The following C5 variants were observed in gnomAD, a reference collection of about 807,000 sequenced individuals.
C5 encodes the protein complement C5, also known as C3 and PZP-like alpha-2-macroglobulin domain-containing protein 4.
Under a neutral mutation model 218.8 loss-of-function variants are expected in C5, and 140 were observed. The ratio of observed to expected loss-of-function variants is 0.64; its 90% CI spans 0.56 to 0.74. C5 has a LOEUF of 0.74. Among genes scored for constraint, C5 ranks in the 30% least tolerant of loss-of-function variants. C5 has a pLI of 0.00. For missense variants in C5, 1,700 were observed against 1,969.6 expected (o/e 0.86, Z 2.59); for synonymous variants, 614 against 682.3 (o/e 0.90, Z 1.56).
chr9:121,007,254 GA>G (rs991558955), intron 18 of C5, among the ~76,000 whole-genome samples: 1 of 152,172 alleles, frequency 6.6e-6, no homozygotes, highest in African/African-American at 2.4e-5. Context: ...CACAAACAAA[GA>G]AAAAGATGTT....
chr9:120,953,961 G>T, intron 39 of C5, 93 bp from the exon 40 acceptor site: 4 of 1,360,210 alleles, frequency 2.9e-6, no homozygotes, highest in African/African-American at 1.4e-5. Flanking sequence ...CGTGGCTATT[G>T]AGAGGTTCAT....
intron 30 of C5, among the ~76,000 whole-genome samples, 184 bp downstream of exon 30, chr9:120,974,594 AT>A (rs1481018891): frequency 1.3e-5 from 2 of 152,094 alleles, no homozygotes; most frequent in Non-Finnish European, 2.9e-5. Context: ...CACTACGCTG[AT>A]TGTTTGTGTT....
the C5 span, among the ~76,000 whole-genome samples, chr9:121,067,984 C>T: frequency 6.6e-6 from 1 of 152,082 alleles, no homozygotes; most frequent in African/African-American, 2.4e-5. Flanking sequence ...TGGACTAATA[C>T]AACATAATAA....
intron 18 of C5, among the ~76,000 whole-genome samples, chr9:121,007,495 G>C (rs572117566): frequency 6.6e-6 from 1 of 152,300 alleles, no homozygotes; most frequent in South Asian, 2.1e-4. Flanking sequence ...AAATAGTTAA[G>C]TAAATAAATT....
intron 28 of C5, among the ~76,000 whole-genome samples, chr9:120,977,810 C>T (rs2046964457): frequency 6.6e-6 from 1 of 152,134 alleles, no homozygotes; most frequent in South Asian, 2.1e-4. Flanking sequence ...GTATTGCACC[C>T]AGCTTCTAGT....
chr9:121,010,203 A>G (rs1163767537), intron 17 of C5, among the ~76,000 whole-genome samples: 1 of 152,238 alleles, frequency 6.6e-6, no homozygotes, highest in Non-Finnish European at 1.5e-5. Flanking sequence ...TTATCCTTGT[A>G]TGCAAATGAT....
At chr9:121,042,920 A>C (rs2047593319) in intron 3 of C5, 84 bp downstream of exon 3, 1 of 1,103,204 alleles carries the variant, frequency 9.1e-7, no homozygotes, top group Admixed American at 1.9e-5. Context: ...ATCTCCACTC[A>C]ATTTCAGGTA....
chr9:120,973,980 A>C (rs567952909), intron 30 of C5, among the ~76,000 whole-genome samples: 1 of 152,276 alleles, frequency 6.6e-6, no homozygotes, highest in East Asian at 1.9e-4. Context: ...TCTCAAAAAA[A>C]AAAAATTATT....
chr9:120,996,294 C>A lies in C5; in HGVS notation c.2797G>T (p.Gly933Cys), dbSNP rs758446973. 7 of 1,612,182 alleles carry A rather than the reference C, an allele frequency of 4.3e-6. No homozygotes were observed. Among genetic ancestry groups the A allele is most frequent in the Non-Finnish European group, 5.9e-6 (7 of 1,178,456 alleles). Reference sequence around the variant, plus strand: ...CCAGAATAGCTTTCCCTTTTGACACCTTCTGGCTAAAATAAAGGCAGAAAA... The same window carrying A: ...CCAGAATAGCTTTCCCTTTTGACACATTCTGGCTAAAATAAAGGCAGAAAA... The part of the protein sequence containing the change: ...LVKTLRVVPE[G>C]VKRESYSGVT... Residue 933 changes from glycine (G) to cysteine (C), a missense_variant, in exon 22 of 41, where the codon GGT becomes TGT. Coordinates refer to ENST00000223642, the MANE Select transcript of C5 (RefSeq NM_001735.3).
chr9:120,960,574 A>G (rs1298284026), intron 37 of C5, among the ~76,000 whole-genome samples: 1 of 152,238 alleles, frequency 6.6e-6, no homozygotes, highest in African/African-American at 2.4e-5. Context: ...TGTCTAACCC[A>G]TGGCCCGTGG....
chr9:121,006,503 T>G (rs966256178), intron 19 of C5, among the ~76,000 whole-genome samples: 1 of 152,160 alleles, frequency 6.6e-6, no homozygotes, highest in Non-Finnish European at 1.5e-5. Context: ...CATTTATTTG[T>G]TTCTAACTCT....
intron 5 of C5, 108 bp downstream of exon 5, chr9:121,034,695 C>T: frequency 3.0e-6 from 2 of 666,268 alleles, no homozygotes; most frequent in Non-Finnish European, 2.7e-6. Context: ...TTTGCATATC[C>T]ACCTATGTGA....
chr9:120,976,858 C>T lies in C5; in HGVS notation c.3706G>A (p.Asp1236Asn), dbSNP rs202114605. Reference sequence around the variant, plus strand: ...GTACCAGTGTTAGGTACAGAGCTGTCTTTATGCTGAAGATTGTCTTTCCAA... The same window carrying T: ...GTACCAGTGTTAGGTACAGAGCTGTTTTTATGCTGAAGATTGTCTTTCCAA... ...RFWKDNLQHK[D>N]SSVPNTGTAR... is the part of the protein sequence containing the mutation. The change falls in exon 29 of 41, where the codon GAC becomes AAC. Residue 1236 changes from aspartate (D) to asparagine (N), a missense_variant. By Grantham distance (23) the Asp-to-Asn change is conservative. Transcript: ENST00000223642. 6.2e-7 allele frequency: 1 copy of T among 1,614,144 alleles called. No individual in the cohort carries two copies. The highest frequency in any genetic ancestry group is 8.5e-7 in the Non-Finnish European group (1 of 1,180,010).
chr9:121,050,821 T>C (rs1393153301), upstream of C5, among the ~76,000 whole-genome samples: 1 of 152,118 alleles, frequency 6.6e-6, no homozygotes, highest in African/African-American at 2.4e-5. Context: ...TCTGTCTCAG[T>C]CTAGAGAACA....
chr9:120,954,949 G>A (rs2046774336), intron 39 of C5, among the ~76,000 whole-genome samples: 1 of 152,144 alleles, frequency 6.6e-6, no homozygotes, highest in Non-Finnish European at 1.5e-5. Flanking sequence ...GTAGCTGTGT[G>A]GGGCCTTATT....
rs757055539 is a variant in C5 at position 120,989,557 on chromosome 9, T to C, written c.3154+11A>G. ...CACCCAATTTTTATGTGAAATACTT[T>C]TTTTTTTTACCTTCTTTTAATTTTT... On this transcript the variant is annotated intron_variant, in intron 24 of 40. Coordinates refer to ENST00000223642, the MANE Select transcript of C5 (RefSeq NM_001735.3). 3 of 1,547,528 alleles carry C rather than the reference T, an allele frequency of 1.9e-6. No homozygotes were observed. The highest frequency in any genetic ancestry group is 1.8e-6 in the Non-Finnish European group (2 of 1,129,620).
Position 120,961,513 on chromosome 9 carries a change from G to A in C5, c.4557C>T (p.Val1519=). 2 of 1,613,090 alleles carry A rather than the reference G, an allele frequency of 1.2e-6. No homozygotes were observed. Among genetic ancestry groups the A allele is most frequent in the Non-Finnish European group, 8.5e-7 (1 of 1,179,108 alleles). Residue 1519 remains valine, a synonymous_variant, in exon 37 of 41, where the codon GTC becomes GTT. Coordinates refer to ENST00000223642, the MANE Select transcript of C5 (RefSeq NM_001735.3). ...CACACTTGCACGCGGCTCCTTCACA[G>A]ACTTTCTGAATTTTGATATTGGAAG... The part of the protein sequence containing the change: ...YSTSNIKIQK[V]CEGAACKCVE...
At chr9:121,064,388 G>T in the C5 span, among the ~76,000 whole-genome samples, 1 of 151,966 alleles carries the variant, frequency 6.6e-6, no homozygotes, top group African/African-American at 2.4e-5. Flanking sequence ...TTATTTCTTT[G>T]AGTGTTTTGT....
At chr9:120,987,784 T>TTTTTG (rs896518091) in intron 25 of C5, among the ~76,000 whole-genome samples, 1 of 151,912 alleles carries the variant, frequency 6.6e-6, no homozygotes, top group Non-Finnish European at 1.5e-5. Flanking sequence ...CATGATGGTT[T>TTTTTG]TTTTGTTTTG....
Sources: gnomAD v4.1 joint callset for allele counts (sites outside exome capture counted in the v4.1 genomes callset) on GRCh38, gnomAD v4.1.1 for gene constraint, MANE v1.5 for transcripts, NCBI Gene and HGNC (gene_info 2026-07-23, HGNC 2026-07-21) for gene names.